Variants in AMBRA1 observed in about 807,000 individuals in gnomAD.
The protein encoded by AMBRA1 is activating molecule in BECN1-regulated autophagy protein 1.
In AMBRA1, 47 loss-of-function variants were observed where a neutral mutation model predicts 125.4. The ratio of observed to expected loss-of-function variants is 0.37; its 90% confidence interval spans 0.30 to 0.48. AMBRA1 has a LOEUF of 0.48. Among genes scored for constraint, AMBRA1 ranks in the 20% least tolerant of loss-of-function variants. AMBRA1 has a pLI of 0.99. For synonymous variants in AMBRA1, 626 were observed against 655.5 expected, an observed-to-expected ratio of 0.95 and a Z score of 0.69; for missense variants, 1,331 against 1,693.4, an observed-to-expected ratio of 0.79 and a Z score of 3.76.
intron 1 of AMBRA1, among the ~76,000 whole-genome samples, chr11:46,567,260 C>T (rs1478022870): frequency 2.0e-5 from 3 of 152,128 alleles, no homozygotes; most frequent in South Asian, 2.1e-4. Context: ...TTAGTAGAAA[C>T]GTGGTTTCAC....
chr11:46,503,060 CAAAAAAAAAAAAA>C (rs35217088), intron 9 of AMBRA1, among the ~76,000 whole-genome samples: 5 of 31,024 alleles, frequency 1.6e-4, no homozygotes, highest in South Asian at 1.7e-3. Context: ...GACTCTGTCT[CAAAAAAAAAAAAA>C]AAAAAAAAAA....
chr11:46,566,288 G>T (rs890988165), intron 1 of AMBRA1, among the ~76,000 whole-genome samples: 1 of 152,020 alleles, frequency 6.6e-6, no homozygotes, highest in Non-Finnish European at 1.5e-5. Flanking sequence ...CATGGTGGCG[G>T]GCACCTGTAG....
chr11:46,445,721 C>A (rs1948251426), intron 11 of AMBRA1, among the ~76,000 whole-genome samples: 1 of 152,148 alleles, frequency 6.6e-6, no homozygotes. Flanking sequence ...ATGGTTGACA[C>A]CCTCCTTTGA....
chr11:46,425,268 C>A (rs922731447), intron 14 of AMBRA1, among the ~76,000 whole-genome samples: 3 of 151,520 alleles, frequency 2.0e-5, no homozygotes, highest in Admixed American at 6.6e-5. Context: ...TAGAGATTCA[C>A]CTTGGATAAG....
chr11:46,438,028 T>C (rs774876634), intron 12 of AMBRA1, among the ~76,000 whole-genome samples: 3 of 152,196 alleles, frequency 2.0e-5, no homozygotes, highest in Non-Finnish European at 4.4e-5. Flanking sequence ...GTGTCTCTGA[T>C]GTTGCCGGAC....
At chr11:46,491,948 C>G (rs974217762) in intron 11 of AMBRA1, among the ~76,000 whole-genome samples, 1 of 152,098 alleles carries the variant, frequency 6.6e-6, no homozygotes, top group Non-Finnish European at 1.5e-5. Context: ...AGAGATCTGC[C>G]GGCAGTAGAG....
intron 14 of AMBRA1, among the ~76,000 whole-genome samples, chr11:46,420,778 T>C (rs1173556339): frequency 2.6e-5 from 4 of 152,196 alleles, no homozygotes; most frequent in Non-Finnish European, 4.4e-5. Context: ...GTTTTGAGCC[T>C]GTGGTAGCTC....
intron 14 of AMBRA1, among the ~76,000 whole-genome samples, chr11:46,420,899 T>C (rs1233566740): frequency 1.3e-5 from 2 of 152,194 alleles, no homozygotes; most frequent in Non-Finnish European, 2.9e-5. Flanking sequence ...AATAAGACTT[T>C]AGTAATCAGA....
intron 11 of AMBRA1, among the ~76,000 whole-genome samples, chr11:46,479,733 G>A (rs1949980853): frequency 6.6e-6 from 1 of 152,122 alleles, no homozygotes; most frequent in South Asian, 2.1e-4. Context: ...AGAAGCACAG[G>A]TTAGTTTACT....
intron 16 of AMBRA1, 76 bp downstream of exon 16, chr11:46,410,200 G>A: frequency 1.4e-6 from 2 of 1,419,690 alleles, no homozygotes; most frequent in Admixed American, 1.7e-5. Context: ...AGAGGGCGCT[G>A]CTTAAGAGCC....
intron 7 of AMBRA1, among the ~76,000 whole-genome samples, chr11:46,527,833 T>C (rs1042810114): frequency 6.6e-6 from 1 of 151,924 alleles, no homozygotes; most frequent in African/African-American, 2.4e-5. Context: ...GGATATGAAG[T>C]TGGAACCCTC....
At chr11:46,469,219 G>T (rs1026677695) in intron 11 of AMBRA1, among the ~76,000 whole-genome samples, 1 of 152,120 alleles carries the variant, frequency 6.6e-6, no homozygotes, top group Non-Finnish European at 1.5e-5. Flanking sequence ...TATATCTAAC[G>T]TATTTTCATT....
Position 46,405,347 on chromosome 11 carries a change from G to A in AMBRA1, c.3403+3166C>T, listed in dbSNP as rs1183239326. Among the ~76,000 whole-genome samples, 4 of 152,162 alleles carry A rather than the reference G, an allele frequency of 2.6e-5. 1 individual carries two copies. In the South Asian group the frequency reaches 6.2e-4, roughly 24 times the overall value. On this transcript the variant is annotated intron_variant, in intron 17 of 17. Transcript: ENST00000683756. The stretch of plus-strand genomic sequence containing the variant: ...TCTAGACTGCGAGCTCCTCATGGAA[G>A]GACAGAGAGGCCTACTTGTCTTCAC...
chr11:46,539,415 G>C (rs1156459532), intron 7 of AMBRA1, among the ~76,000 whole-genome samples: 1 of 152,032 alleles, frequency 6.6e-6, no homozygotes, highest in Non-Finnish European at 1.5e-5. Context: ...AAATTAGCCA[G>C]GCGTGGTGGC....
At position 46,412,301 on chromosome 11, in the gene AMBRA1, C is replaced by T. The variant is rs114209492; in HGVS notation, c.3117-1933G>A. Among the ~76,000 whole-genome samples the T allele has an allele frequency of 8.4e-3, 1,284 of 152,248 alleles. 10 individuals carry two copies. Among genetic ancestry groups the T allele is most frequent in the African/African-American group, 0.03 (1,238 of 41,518 alleles). The stretch of plus-strand genomic sequence containing the variant: ...GTAAATTATGCAAATAGTTATTATA[C>T]TGTATTGCATCTCACTCTGTTGCCC... On this transcript the variant is annotated intron_variant, in intron 15 of 17. Coordinates refer to ENST00000683756, the MANE Select transcript of AMBRA1 (RefSeq NM_001387011.1).
chr11:46,516,423 C>A (rs1056561451), intron 7 of AMBRA1, among the ~76,000 whole-genome samples: 7 of 73,184 alleles, frequency 9.6e-5, no homozygotes, highest in African/African-American at 3.5e-4. Context: ...AAAGATCTTT[C>A]TTTTTTTTTT....
intron 9 of AMBRA1, among the ~76,000 whole-genome samples, chr11:46,502,877 G>GGTGA (rs1307410356): frequency 6.6e-6 from 1 of 151,740 alleles, no homozygotes; most frequent in Non-Finnish European, 1.5e-5. Flanking sequence ...TGGCTAACAC[G>GGTGA]GTGAAACCCC....
At chr11:46,435,411 G>GCAAA (rs1189051782) in intron 12 of AMBRA1, among the ~76,000 whole-genome samples, 1 of 152,148 alleles carries the variant, frequency 6.6e-6, no homozygotes, top group Non-Finnish European at 1.5e-5. Context: ...AAATGAAAAT[G>GCAAA]CAAACCCACT....
intron 14 of AMBRA1, among the ~76,000 whole-genome samples, chr11:46,420,018 A>ACACACACACACACACACACT (rs1418092325): frequency 6.6e-6 from 1 of 151,952 alleles, no homozygotes; most frequent in Non-Finnish European, 1.5e-5. Context: ...ACACACACAC[A>ACACACACACACACACACACT]CACTCTTCCA....
Sources: allele counts gnomAD v4.1 joint callset (sites outside exome capture counted in the v4.1 genomes callset), GRCh38; gene constraint gnomAD v4.1.1; transcripts MANE v1.5; gene names NCBI Gene and HGNC (gene_info 2026-07-23, HGNC 2026-07-21).